GRIK4: variants seen among roughly 807,000 people sequenced by gnomAD.
GRIK4 encodes glutamate ionotropic receptor kainate type subunit 4.
In GRIK4, 40 loss-of-function variants were observed where a neutral mutation model predicts 104.9. The observed-to-expected ratio is 0.38, with a 90% confidence interval of 0.30 to 0.50. The LOEUF (loss-of-function observed/expected upper bound fraction) is 0.50, where lower values mean the gene tolerates loss of function less well. GRIK4 is among the 20% of genes least tolerant of loss of function. The pLI is 0.93. For synonymous variants in GRIK4, 485 were observed against 524.9 expected (o/e 0.92, Z 1.04); for missense variants, 1,047 against 1,308.1 (o/e 0.80, Z 3.08).
At chr11:120,584,692 A>G (rs905988776) in intron 1 of GRIK4, among the ~76,000 whole-genome samples, 1 of 152,212 alleles carries the variant, frequency 6.6e-6, no homozygotes, top group African/African-American at 2.4e-5. Flanking sequence ...GGGCAGGACA[A>G]ATATCCAAAC....
chr11:120,608,935 C>T (rs1406506656), intron 1 of GRIK4, among the ~76,000 whole-genome samples: 1 of 152,234 alleles, frequency 6.6e-6, no homozygotes, highest in Non-Finnish European at 1.5e-5. Context: ...TAGTCTGCAA[C>T]CCACTGGCAG....
chr11:120,858,918 C>T (rs1356162226), intron 8 of GRIK4: 3 of 152,204 alleles, frequency 2.0e-5, no homozygotes, highest in Non-Finnish European at 4.4e-5. Flanking sequence ...GCCCCTCCCC[C>T]TTCCTTGTCC....
chr11:120,986,192 C>G lies in GRIK4; in HGVS notation c.2803C>G (p.Pro935Ala). ...CCGCTTCCAGGGCCTGCGGGCACGG[C>G]CGTCGCCCGCCCGCAGCGAGGAGAG... The part of the protein sequence containing the change: ...CRRFQGLRAR[P>A]SPARSEESLE... The change falls in exon 21 of 21, where the codon CCG (proline) becomes GCG (alanine). Residue 935 changes from proline to alanine, a missense_variant. Coordinates refer to ENST00000527524, the MANE Select transcript of GRIK4 (RefSeq NM_014619.5). The G allele has an allele frequency of 6.4e-7, 1 of 1,566,150 alleles. No individual in the cohort carries two copies. Among genetic ancestry groups the G allele is most frequent in the Non-Finnish European group, 8.6e-7 (1 of 1,165,752 alleles).
chr11:120,787,038 C>T (rs1411684474), intron 3 of GRIK4, among the ~76,000 whole-genome samples: 5 of 152,198 alleles, frequency 3.3e-5, no homozygotes, highest in Admixed American at 6.5e-5. Flanking sequence ...TAGTATTTGA[C>T]TGGGTACAAT....
At chr11:120,526,619 G>A (rs916876793) in intron 1 of GRIK4, among the ~76,000 whole-genome samples, 3 of 152,182 alleles carry the variant, frequency 2.0e-5, no homozygotes, top group African/African-American at 7.2e-5. Flanking sequence ...GATCACTTGA[G>A]GTCAGGCGTT....
chr11:120,767,709 C>A (rs1032091421), intron 3 of GRIK4, among the ~76,000 whole-genome samples: 1 of 152,028 alleles, frequency 6.6e-6, no homozygotes, highest in Non-Finnish European at 1.5e-5. Context: ...CTATGCATTT[C>A]GAGTTTATTT....
In GRIK4 at chr11:120,940,545, A is replaced by C. The variant is rs1943699827; in HGVS notation, c.1590+85A>C. 2.6e-6 allele frequency: 2 copies of C among 776,502 alleles called. No individual in the cohort carries two copies. Among genetic ancestry groups the C allele is most frequent in the African/African-American group, 1.8e-5 (1 of 57,126 alleles). 48.1% of individuals were successfully genotyped at this position (776,502 alleles called of 1,614,324 possible). A position where few individuals can be genotyped will look rare whatever the true frequency, so the allele number is the denominator to read the frequency against. ...GTTATACGGGAATAATGAATGACTC[A>C]TGGAAATATTTAGATTTCAAGACTT... is the stretch of plus-strand genomic sequence containing the variant. On this transcript the variant is annotated intron_variant, in intron 14 of 20. Transcript: ENST00000527524. This position sits in a 1 kb window ranked among gnomAD's most constrained non-coding sequence, Gnocchi z 4.3.
chr11:120,797,294 G>C (rs946435072), intron 3 of GRIK4, among the ~76,000 whole-genome samples: 1 of 152,176 alleles, frequency 6.6e-6, no homozygotes, highest in Non-Finnish European at 1.5e-5. Flanking sequence ...AGGATGTGCC[G>C]TATCATATTA....
At chr11:120,831,504 G>C (rs566086406) in intron 6 of GRIK4, among the ~76,000 whole-genome samples, 6 of 152,312 alleles carry the variant, frequency 3.9e-5, no homozygotes, top group African/African-American at 1.2e-4. Context: ...CTGAACCCAG[G>C]TCTTGGTCTC....
At chr11:120,663,518 C>T (rs529963904) in intron 3 of GRIK4, among the ~76,000 whole-genome samples, 1 of 152,312 alleles carries the variant, frequency 6.6e-6, no homozygotes, top group African/African-American at 2.4e-5. Flanking sequence ...TCCTCCATTC[C>T]TGTTCAGAAA....
chr11:120,721,102 A>G (rs1026737844), intron 3 of GRIK4, among the ~76,000 whole-genome samples: 1 of 152,122 alleles, frequency 6.6e-6, no homozygotes, highest in East Asian at 1.9e-4. Flanking sequence ...TAACTGTCTA[A>G]TGAAGGGTTT....
In GRIK4 at chr11:120,629,446, G is replaced by T. The variant is rs572613360; in HGVS notation, c.-158-24239G>T. The stretch of plus-strand genomic sequence containing the variant: ...GAACACATTAGCTACTGTCGTTCCT[G>T]CCACTGCTGGTACGACTGCCCGACT... On this transcript the variant is annotated intron_variant, in intron 1 of 20. Transcript: ENST00000527524. 1.1e-4 allele frequency among the ~76,000 whole-genome samples: 16 copies of T among 152,248 alleles called. No individual in the cohort carries two copies. The South Asian group carries it at 3.1e-3, about 30-fold the overall frequency.
chr11:120,540,460 C>T (rs1251968123), intron 1 of GRIK4, among the ~76,000 whole-genome samples: 1 of 151,714 alleles, frequency 6.6e-6, no homozygotes, highest in Non-Finnish European at 1.5e-5. Flanking sequence ...GTCTGTACTA[C>T]AAAATTAGCC....
At chr11:120,542,471 GA>G (rs1948047132) in intron 1 of GRIK4, among the ~76,000 whole-genome samples, 1 of 152,132 alleles carries the variant, frequency 6.6e-6, no homozygotes, top group Non-Finnish European at 1.5e-5. Context: ...CATCAAACAA[GA>G]AAGCTTCTGC....
chr11:120,821,308 A>G (rs1953121872), intron 6 of GRIK4, among the ~76,000 whole-genome samples: 1 of 152,230 alleles, frequency 6.6e-6, no homozygotes, highest in South Asian at 2.1e-4. Flanking sequence ...ATCTCAAAGG[A>G]TAAAAATGAT....
chr11:120,939,321 A>G lies in GRIK4; in HGVS notation c.1477-1026A>G, dbSNP rs76978632. 3.4e-3 allele frequency among the ~76,000 whole-genome samples: 520 copies of G among 152,306 alleles called. 5 individuals are homozygous for G. Among genetic ancestry groups the G allele is most frequent in the Admixed American group, 6.1e-3 (94 of 15,304 alleles). On this transcript the variant is annotated intron_variant, in intron 13 of 20. Coordinates refer to ENST00000527524, the MANE Select transcript of GRIK4 (RefSeq NM_014619.5). The surrounding 1 kb of genome is among the most constrained non-coding windows in gnomAD (Gnocchi z 5.6). ...TGTGGGCACTTGAGGTACAGTTTGG[A>G]GGCAAGGGGAAAGGAAGGAAGCCTT...
At chr11:120,609,524 T>C (rs1949005772) in intron 1 of GRIK4, among the ~76,000 whole-genome samples, 1 of 111,124 alleles carries the variant, frequency 9.0e-6, no homozygotes, top group Non-Finnish European at 1.8e-5. Context: ...TGCTTTTTTT[T>C]TTTTTTTTTT....
intron 7 of GRIK4, among the ~76,000 whole-genome samples, chr11:120,834,263 G>GGTT (rs377188856): frequency 7.5e-5 from 11 of 145,992 alleles, no homozygotes; most frequent in Admixed American, 3.4e-4. Context: ...ACACTTTATA[G>GGTT]GTGTGTGTGT....
Position 120,985,949 on chromosome 11 carries a change from C to T in GRIK4, c.2560C>T (p.Leu854=). The T allele has an allele frequency of 1.3e-6, 2 of 1,549,574 alleles. No individual in the cohort carries two copies. The highest frequency in any genetic ancestry group is 8.7e-7 in the Non-Finnish European group (1 of 1,146,596). Residue 854 remains leucine, a synonymous_variant, in exon 21 of 21, where the codon CTG becomes TTG. Transcript: ENST00000527524. ...GGTGACCGAGCTGCGCAGCATTATC[C>T]TGTGTCAGGACAGTATCCACCCCCG... ...EMVTELRSII[L]CQDSIHPRRR...
Sources: gnomAD v4.1 joint callset for allele counts (sites outside exome capture counted in the v4.1 genomes callset) on GRCh38, gnomAD v4.1.1 for gene constraint, Gnocchi (gnomAD v3.1) non-coding constraint, MANE v1.5 for transcripts, NCBI Gene and HGNC (gene_info 2026-07-23, HGNC 2026-07-21) for gene names.